GRIK3: variants seen among roughly 807,000 people sequenced by gnomAD.
The protein encoded by GRIK3 is glutamate ionotropic receptor kainate type subunit 3.
A neutral mutation model predicts 102.5 loss-of-function variants in GRIK3; 29 were observed. The observed-to-expected ratio is 0.28, with a 90% confidence interval of 0.21 to 0.39. GRIK3 has a LOEUF of 0.39. Ranked by LOEUF, GRIK3 falls within the 10% of genes least tolerant of loss-of-function variation. The pLI is 1.00. For synonymous variants in GRIK3, 511 were observed against 504.9 expected, an observed-to-expected ratio of 1.01 and a Z score of -0.16; for missense variants, 908 against 1,252.4, an observed-to-expected ratio of 0.73 and a Z score of 4.15.
chr1:36,814,707 T>A (rs984469207), intron 13 of GRIK3, among the ~76,000 whole-genome samples: 1 of 151,634 alleles, frequency 6.6e-6, no homozygotes, highest in Non-Finnish European at 1.5e-5. Context: ...AAGGCGAGTA[T>A]ACACACACAT....
intron 1 of GRIK3, among the ~76,000 whole-genome samples, chr1:37,014,037 C>A (rs1294544989): frequency 6.6e-6 from 1 of 152,260 alleles, no homozygotes; most frequent in African/African-American, 2.4e-5. Flanking sequence ...TTCCCTCTGC[C>A]TGGAGTGCTC....
At chr1:36,875,722 A>T (rs1317227562) in intron 3 of GRIK3, among the ~76,000 whole-genome samples, 1 of 152,244 alleles carries the variant, frequency 6.6e-6, no homozygotes, top group African/African-American at 2.4e-5. Flanking sequence ...GTGAACCCAG[A>T]AAAACGACCT....
At chr1:36,914,028 CT>C (rs1641373753) in intron 1 of GRIK3, among the ~76,000 whole-genome samples, 1 of 152,278 alleles carries the variant, frequency 6.6e-6, no homozygotes, top group Admixed American at 6.5e-5. Context: ...TGGCACAGCT[CT>C]GGTCCCTGTC....
intron 1 of GRIK3, among the ~76,000 whole-genome samples, chr1:36,949,574 C>CTTTTTTTTTTTTTTTTT (rs60157852): frequency 1.8e-4 from 18 of 99,668 alleles, no homozygotes; most frequent in African/African-American, 5.9e-4. Context: ...CTCTCTCTTT[C>CTTTTTTTTTTTTTTTTT]TTTTTTTTTT....
intron 10 of GRIK3, among the ~76,000 whole-genome samples, chr1:36,836,431 G>A (rs1188924885): frequency 6.6e-6 from 1 of 152,256 alleles, no homozygotes; most frequent in Non-Finnish European, 1.5e-5. Flanking sequence ...CATGCCAGGT[G>A]TTGGGACAGC....
At chr1:36,942,502 C>T (rs1351665040) in intron 1 of GRIK3, among the ~76,000 whole-genome samples, 1 of 152,170 alleles carries the variant, frequency 6.6e-6, no homozygotes, top group Admixed American at 6.5e-5. Context: ...AGAGCTCAAG[C>T]TAGAAGGAGC....
At chr1:36,949,577 T>C (rs1641821395) in intron 1 of GRIK3, among the ~76,000 whole-genome samples, 1 of 118,252 alleles carries the variant, frequency 8.5e-6, no homozygotes, top group African/African-American at 4.7e-5. Flanking sequence ...TCTCTTTCTT[T>C]TTTTTTTTTT....
At chr1:36,980,368 C>A (rs1642236889) in intron 1 of GRIK3, among the ~76,000 whole-genome samples, 1 of 151,898 alleles carries the variant, frequency 6.6e-6, no homozygotes, top group Non-Finnish European at 1.5e-5. Flanking sequence ...GGGCACCCAG[C>A]CCCCTGCAGC....
intron 10 of GRIK3, among the ~76,000 whole-genome samples, chr1:36,835,990 T>C (rs1442958345): frequency 2.6e-5 from 4 of 152,146 alleles, no homozygotes; most frequent in African/African-American, 9.7e-5. Flanking sequence ...CAGTCATTGC[T>C]CTGGGCAACC....
chr1:36,897,844 A>G (rs912161693), intron 1 of GRIK3, among the ~76,000 whole-genome samples: 2 of 152,230 alleles, frequency 1.3e-5, no homozygotes, highest in African/African-American at 4.8e-5. Flanking sequence ...CTGCACACCT[A>G]TGTTTGTTGC....
At chr1:36,893,824 G>C (rs1641144479) in intron 1 of GRIK3, among the ~76,000 whole-genome samples, 1 of 152,086 alleles carries the variant, frequency 6.6e-6, no homozygotes, top group South Asian at 2.1e-4. Flanking sequence ...TAATGACACA[G>C]GAAATACCCA....
intron 1 of GRIK3, among the ~76,000 whole-genome samples, chr1:37,031,555 C>T (rs545812563): frequency 3.9e-5 from 6 of 152,228 alleles, no homozygotes; most frequent in Non-Finnish European, 7.3e-5. Flanking sequence ...AAGCCCTCTC[C>T]GGGCTGGTGC....
chr1:36,989,867 A>C (rs61768877), intron 1 of GRIK3, among the ~76,000 whole-genome samples: 32 of 152,346 alleles, frequency 2.1e-4, no homozygotes, highest in Admixed American at 5.9e-4. Context: ...TTTACTGAGC[A>C]ATCACTTCAT....
intron 13 of GRIK3, among the ~76,000 whole-genome samples, chr1:36,816,001 G>A (rs1292268315): frequency 7.3e-5 from 11 of 151,620 alleles, no homozygotes; most frequent in African/African-American, 2.4e-4. Context: ...AGCTCACCTC[G>A]GCCTCCAAAA....
chr1:36,803,544 C>T (rs2124174804), intron 15 of GRIK3, among the ~76,000 whole-genome samples: 1 of 152,308 alleles, frequency 6.6e-6, no homozygotes. Context: ...GATTCTCCTG[C>T]TTCAGCCTCC....
chr1:36,978,566 G>A (rs572675675), intron 1 of GRIK3, among the ~76,000 whole-genome samples: 55 of 152,296 alleles, frequency 3.6e-4, no homozygotes, highest in African/African-American at 1.2e-3. Flanking sequence ...TACTGATCTG[G>A]GCAAGCTAGG....
intron 1 of GRIK3, among the ~76,000 whole-genome samples, chr1:36,892,498 A>G (rs1641128785): frequency 1.7e-5 from 2 of 118,040 alleles, no homozygotes; most frequent in African/African-American, 6.3e-5. Context: ...AAAGAAAAAA[A>G]TTAAAAATGA....
intron 1 of GRIK3, among the ~76,000 whole-genome samples, chr1:37,000,625 T>C (rs1642467625): frequency 6.6e-6 from 1 of 152,168 alleles, no homozygotes; most frequent in South Asian, 2.1e-4. Flanking sequence ...GGCAATAAAC[T>C]CTATTTTACA....
intron 1 of GRIK3, among the ~76,000 whole-genome samples, chr1:37,021,597 C>T (rs945264830): frequency 1.3e-5 from 2 of 152,112 alleles, no homozygotes; most frequent in Admixed American, 6.5e-5. Flanking sequence ...TTCAATGTTA[C>T]GAGACAAGTA....
Sources: allele counts gnomAD v4.1 joint callset (sites outside exome capture counted in the v4.1 genomes callset), GRCh38; gene constraint gnomAD v4.1.1; transcripts MANE v1.5; gene names NCBI Gene and HGNC (gene_info 2026-07-23, HGNC 2026-07-21).